Variants in SPART observed in about 807,000 individuals in gnomAD.
SPART encodes spartin.
SPART carries 35 observed loss-of-function variants against 58.7 expected under a neutral mutation model. The ratio of observed to expected loss-of-function variants is 0.60; its 90% confidence interval spans 0.46 to 0.79. The LOEUF (loss-of-function observed/expected upper bound fraction) is 0.79. SPART is among the 30% of genes least tolerant of loss of function. SPART has a pLI of 0.00. For missense variants in SPART, 730 were observed against 786.1 expected, an observed-to-expected ratio of 0.93 and a Z score of 0.85; for synonymous variants, 284 against 280.7, an observed-to-expected ratio of 1.01 and a Z score of -0.12.
At chr13:36,323,452 A>G (rs1882617138) in intron 5 of SPART, among the ~76,000 whole-genome samples, 1 of 149,996 alleles carries the variant, frequency 6.7e-6, no homozygotes, top group Non-Finnish European at 1.5e-5. Context: ...AACTTTCAGC[A>G]TGGTTGTTTT....
chr13:36,304,334 G>A lies in SPART; in HGVS notation c.*31C>T. The A allele has an allele frequency of 1.2e-6, 2 of 1,613,650 alleles. No homozygotes were observed. Among genetic ancestry groups the A allele is most frequent in the Non-Finnish European group, 1.7e-6 (2 of 1,179,744 alleles). ...TAACAAAATTTCATCCATTTCATAA[G>A]GCTTTGGTATAAGTGATTCCCAGCA... is the stretch of plus-strand genomic sequence containing the variant. On this transcript the variant is annotated 3_prime_UTR_variant, in exon 9 of 9. Transcript: ENST00000438666.
chr13:36,327,371 A>G (rs986820365), intron 4 of SPART, among the ~76,000 whole-genome samples: 2 of 152,234 alleles, frequency 1.3e-5, no homozygotes, highest in Non-Finnish European at 2.9e-5. Flanking sequence ...AGTAACACAA[A>G]GAATGTCACA....
intron 5 of SPART, among the ~76,000 whole-genome samples, chr13:36,323,574 T>C (rs1186600470): frequency 6.6e-6 from 1 of 152,212 alleles, no homozygotes; most frequent in South Asian, 2.1e-4. Flanking sequence ...TGAGCTCAAT[T>C]TATATCCCTG....
intron 5 of SPART, 40 bp downstream of exon 5, chr13:36,326,535 T>A: frequency 6.2e-7 from 1 of 1,611,174 alleles, no homozygotes; most frequent in Non-Finnish European, 8.5e-7. Context: ...TCCAAAGGCT[T>A]AATGTCATAC....
At chr13:36,317,874 T>C (rs1295087844) in intron 5 of SPART, among the ~76,000 whole-genome samples, 2 of 152,194 alleles carry the variant, frequency 1.3e-5, no homozygotes, top group Admixed American at 1.3e-4. Flanking sequence ...AAATGGCACT[T>C]TGAATTTTTC....
chr13:36,359,923 T>TAAAAAAAAAAA (rs375878141), intron 1 of SPART, among the ~76,000 whole-genome samples: 1 of 120,306 alleles, frequency 8.3e-6, no homozygotes, highest in African/African-American at 3.3e-5. Flanking sequence ...GTTGTTAATT[T>TAAAAAAAAAAA]AAAAAAAAAA....
intron 5 of SPART, among the ~76,000 whole-genome samples, chr13:36,320,634 G>A (rs1882278627): frequency 2.0e-5 from 3 of 152,176 alleles, no homozygotes; most frequent in East Asian, 3.9e-4. Flanking sequence ...TACACATCAA[G>A]CTCGAGGATT....
At chr13:36,329,258 A>C in intron 4 of SPART, 104 bp downstream of exon 4, 2 of 1,273,374 alleles carry the variant, frequency 1.6e-6, no homozygotes, top group South Asian at 2.4e-5. Flanking sequence ...CTAATGCACA[A>C]GTTGCTTTGC....
In SPART at chr13:36,309,161, G is replaced by A. The variant is rs546222681; in HGVS notation, c.1733+2984C>T. On this transcript the variant is annotated intron_variant, in intron 8 of 8. Transcript: ENST00000438666. ...AGGGAGGCTGAGGCAGGAGAATGGT[G>A]TGAACCTGGGAGGCGGAGGTTGCAG... 1.4e-4 allele frequency among the ~76,000 whole-genome samples: 21 copies of A among 151,284 alleles called. 1 individual carries two copies. The South Asian group carries it at 3.2e-3, about 23-fold the overall frequency.
At chr13:36,319,651 T>C (rs1359091086) in intron 5 of SPART, among the ~76,000 whole-genome samples, 1 of 143,312 alleles carries the variant, frequency 7.0e-6, no homozygotes, top group Non-Finnish European at 1.5e-5. Flanking sequence ...TCTCATATCC[T>C]CAGTACCTGC....
At chr13:36,354,033 A>G (rs540119783) in intron 1 of SPART, among the ~76,000 whole-genome samples, 2 of 152,292 alleles carry the variant, frequency 1.3e-5, no homozygotes, top group Non-Finnish European at 2.9e-5. Flanking sequence ...CTTAGATGAC[A>G]CTGGGTTAGA....
chr13:36,342,584 T>C (rs1884683139), intron 1 of SPART, among the ~76,000 whole-genome samples: 1 of 152,200 alleles, frequency 6.6e-6, no homozygotes, highest in Admixed American at 6.5e-5. Flanking sequence ...CCCTGATCTC[T>C]GTCCACTGGA....
intron 6 of SPART, chr13:36,313,924 C>T (rs1881397975): frequency 5.0e-6 from 2 of 398,904 alleles, no homozygotes; most frequent in Admixed American, 4.3e-5. Flanking sequence ...TCAGAACAAC[C>T]CTTTAACCAG....
At chr13:36,366,435 T>C (rs1047450474) in intron 1 of SPART, among the ~76,000 whole-genome samples, 3 of 152,188 alleles carry the variant, frequency 2.0e-5, no homozygotes, top group Admixed American at 1.3e-4. Context: ...AAGATAACTT[T>C]ATATTTCTCT....
intron 1 of SPART, among the ~76,000 whole-genome samples, chr13:36,367,029 G>A (rs188832868): frequency 0.011 from 1,661 of 152,238 alleles, 15 homozygotes; most frequent in Non-Finnish European, 0.017. Context: ...CTTTTCGGCC[G>A]GAAGTAGCCG....
At chr13:36,356,870 T>A (rs917027178) in intron 1 of SPART, among the ~76,000 whole-genome samples, 1 of 152,220 alleles carries the variant, frequency 6.6e-6, no homozygotes, top group African/African-American at 2.4e-5. Flanking sequence ...ATTTACTAAA[T>A]TGAAATTTGT....
rs1880045336 is a variant in SPART, at chr13:36,302,137, G to A, written c.*2228C>T. The A allele has an allele frequency of 6.6e-6, 1 of 152,076 alleles. No individual in the cohort carries two copies. Among genetic ancestry groups the A allele is most frequent in the Non-Finnish European group, 1.5e-5 (1 of 68,014 alleles). 9.4% of individuals were successfully genotyped at this position (152,076 alleles called of 1,614,324 possible). A position where few individuals can be genotyped will look rare whatever the true frequency, so the allele number is the denominator to read the frequency against. ...GGGGAAAGAGGTAAGAAAATAGGAA[G>A]AACATACATATAGGTAATTGGCAGC... On this transcript the variant is annotated 3_prime_UTR_variant, in exon 9 of 9. Transcript: ENST00000438666.
At chr13:36,318,141 T>C (rs1348249013) in intron 5 of SPART, among the ~76,000 whole-genome samples, 1 of 152,084 alleles carries the variant, frequency 6.6e-6, no homozygotes, top group Non-Finnish European at 1.5e-5. Context: ...CAGGCCGAGC[T>C]AGGTCCCAAT....
rs138200636 is a variant in SPART at position 36,338,777 on chromosome 13, C to T, written c.-2-2945G>A. 8.9e-3 allele frequency among the ~76,000 whole-genome samples: 1,358 copies of T among 152,242 alleles called. 16 individuals are homozygous for T. The highest frequency in any genetic ancestry group is 0.013 in the Non-Finnish European group (904 of 68,008). On this transcript the variant is annotated intron_variant, in intron 1 of 8. Coordinates refer to ENST00000438666, the MANE Select transcript of SPART (RefSeq NM_015087.5). The stretch of plus-strand genomic sequence containing the variant: ...TAATTAGAGTTTTGGCTGCCAGGTA[C>T]CCCTCAAGAAAGGAGATTGGAAGTT...
Sources: gnomAD v4.1 joint callset for allele counts (sites outside exome capture counted in the v4.1 genomes callset) on GRCh38, gnomAD v4.1.1 for gene constraint, MANE v1.5 for transcripts, NCBI Gene and HGNC (gene_info 2026-07-23, HGNC 2026-07-21) for gene names.